Variants in STAG1 observed in about 807,000 individuals in gnomAD.
The protein encoded by STAG1 is STAG1 cohesin complex component.
STAG1 carries 26 observed loss-of-function variants against 170.9 expected under a neutral mutation model. That is an observed-to-expected ratio of 0.15 (90% CI 0.11 to 0.21). The LOEUF (loss-of-function observed/expected upper bound fraction) is 0.21, where lower values mean the gene tolerates loss of function less well. Among genes scored for constraint, STAG1 ranks in the 10% least tolerant of loss-of-function variants. STAG1 has a pLI of 1.00. For synonymous variants in STAG1, 514 were observed against 497.7 expected (o/e 1.03, Z -0.44); for missense variants, 964 against 1,509.5 (o/e 0.64, Z 5.99).
At chr3:136,456,012 A>C (rs2089102221) in intron 13 of STAG1, among the ~76,000 whole-genome samples, 2 of 152,250 alleles carry the variant, frequency 1.3e-5, no homozygotes. Context: ...GCCAGGGTTC[A>C]AGTTCTGAAA....
At chr3:136,550,196 C>A (rs533103181) in intron 5 of STAG1, among the ~76,000 whole-genome samples, 1 of 152,214 alleles carries the variant, frequency 6.6e-6, no homozygotes, top group South Asian at 2.1e-4. Flanking sequence ...TTGGAAAAGA[C>A]TGAGAACTGG....
intron 21 of STAG1, among the ~76,000 whole-genome samples, chr3:136,404,990 C>T (rs1269246388): frequency 6.6e-6 from 1 of 151,848 alleles, no homozygotes; most frequent in African/African-American, 2.4e-5. Context: ...TTTCTGTTGG[C>T]AAGAGACCTT....
chr3:136,617,622 A>G (rs1231148317), intron 3 of STAG1, among the ~76,000 whole-genome samples: 1 of 152,154 alleles, frequency 6.6e-6, no homozygotes, highest in Non-Finnish European at 1.5e-5. Context: ...TTTACTCTCT[A>G]TTTTACAGGA....
intron 5 of STAG1, among the ~76,000 whole-genome samples, chr3:136,555,571 T>C (rs999450970): frequency 3.9e-5 from 6 of 151,940 alleles, no homozygotes; most frequent in Non-Finnish European, 1.5e-5. Context: ...TAATTCTAGC[T>C]ACATAGGAGG....
Position 136,558,832 on chromosome 3 carries a change from C to T in STAG1, c.394+9933G>A, listed in dbSNP as rs1344915494. 2.8e-4 allele frequency among the ~76,000 whole-genome samples: 43 copies of T among 152,260 alleles called. 1 individual carries two copies. Among genetic ancestry groups the T allele is most frequent in the African/African-American group, 1.0e-3 (42 of 41,542 alleles). On this transcript the variant is annotated intron_variant, in intron 5 of 33. Transcript: ENST00000383202. Reference sequence around the variant, plus strand: ...TGTGCAAAAGATAGCTTTTAGTAACCACTGTCTACATTACCCAAAAATTTC... The same window carrying T: ...TGTGCAAAAGATAGCTTTTAGTAACTACTGTCTACATTACCCAAAAATTTC...
At chr3:136,385,030 GCTACTTTAT>G (rs2086834391) in intron 22 of STAG1, among the ~76,000 whole-genome samples, 1 of 152,148 alleles carries the variant, frequency 6.6e-6, no homozygotes, top group African/African-American at 2.4e-5. Context: ...AGTAATCTAT[GCTACTTTAT>G]CTACTTCTCT....
At chr3:136,624,137 C>T (rs1417761399) in intron 2 of STAG1, among the ~76,000 whole-genome samples, 1 of 151,352 alleles carries the variant, frequency 6.6e-6, no homozygotes, top group African/African-American at 2.4e-5. Context: ...CTCACTCTGT[C>T]GCCCAGGCTG....
At chr3:136,504,051 TACATATGTAA>T (rs947172930) in intron 7 of STAG1, among the ~76,000 whole-genome samples, 1 of 152,180 alleles carries the variant, frequency 6.6e-6, no homozygotes, top group Non-Finnish European at 1.5e-5. Context: ...TTTTCTTAAT[TACATATGTAA>T]ACATATGTGT....
intron 5 of STAG1, among the ~76,000 whole-genome samples, chr3:136,543,988 G>A (rs745925095): frequency 3.9e-5 from 6 of 151,960 alleles, no homozygotes; most frequent in Non-Finnish European, 8.8e-5. Flanking sequence ...AGATTCCTAC[G>A]TATGCACAGA....
chr3:136,520,002 G>A (rs1473603466), intron 7 of STAG1, among the ~76,000 whole-genome samples: 1 of 152,048 alleles, frequency 6.6e-6, no homozygotes, highest in South Asian at 2.1e-4. Flanking sequence ...GGTTAGGACT[G>A]TAACTAACAG....
At chr3:136,394,911 C>T (rs1424127054) in intron 22 of STAG1, among the ~76,000 whole-genome samples, 2 of 149,254 alleles carry the variant, frequency 1.3e-5, no homozygotes, top group Non-Finnish European at 3.0e-5. Flanking sequence ...CAAGATCATG[C>T]CACTGCACTC....
rs576764399 is a variant in STAG1, at chr3:136,367,553, T to C, written c.2546-471A>G. The stretch of plus-strand genomic sequence containing the variant: ...GTCATAACAATACTGTGAAATTATC[T>C]GATTACCTTTAAAACGCTGTCTTTT... On this transcript the variant is annotated intron_variant, in intron 24 of 33. Coordinates refer to ENST00000383202, the MANE Select transcript of STAG1 (RefSeq NM_005862.3). 5.9e-5 allele frequency among the ~76,000 whole-genome samples: 9 copies of C among 152,282 alleles called. No individual in the cohort carries two copies. The South Asian group carries it at 1.0e-3, about 18-fold the overall frequency.
chr3:136,739,617 C>T (rs147604160), intron 1 of STAG1, among the ~76,000 whole-genome samples: 11 of 151,012 alleles, frequency 7.3e-5, no homozygotes, highest in Non-Finnish European at 1.6e-4. Context: ...GTCAGGAGTT[C>T]GAGACCAGCC....
intron 10 of STAG1, among the ~76,000 whole-genome samples, chr3:136,476,245 C>A (rs927427223): frequency 2.0e-5 from 3 of 152,206 alleles, no homozygotes; most frequent in Non-Finnish European, 4.4e-5. Context: ...ACAGACCTTC[C>A]TCCTGGTCAT....
chr3:136,724,814 T>C (rs1933566156), intron 1 of STAG1, among the ~76,000 whole-genome samples: 1 of 151,990 alleles, frequency 6.6e-6, no homozygotes, highest in Non-Finnish European at 1.5e-5. Flanking sequence ...GGTTCTCAGC[T>C]AGTTAAGAAA....
chr3:136,353,618 G>A (rs1300150076), intron 28 of STAG1, among the ~76,000 whole-genome samples: 1 of 152,168 alleles, frequency 6.6e-6, no homozygotes, highest in Non-Finnish European at 1.5e-5. Context: ...ATCGCTCACT[G>A]TAACCTCAAA....
At chr3:136,634,402 G>T (rs1392339885) in intron 1 of STAG1, among the ~76,000 whole-genome samples, 4 of 151,526 alleles carry the variant, frequency 2.6e-5, no homozygotes, top group African/African-American at 9.7e-5. Context: ...CCATATAATG[G>T]GGGGGTCCCC....
At chr3:136,624,450 T>A (rs1940005450) in intron 2 of STAG1, among the ~76,000 whole-genome samples, 2 of 152,190 alleles carry the variant, frequency 1.3e-5, no homozygotes, top group South Asian at 4.1e-4. Flanking sequence ...ATAGGAATTT[T>A]AACATGAAAG....
chr3:136,609,428 T>TAC (rs1021399773), intron 3 of STAG1: 2 of 148,258 alleles, frequency 1.3e-5, no homozygotes, highest in African/African-American at 4.9e-5. Flanking sequence ...TATATATATA[T>TAC]ACACACACAC....
Sources: gnomAD v4.1 joint callset for allele counts (sites outside exome capture counted in the v4.1 genomes callset) on GRCh38, gnomAD v4.1.1 for gene constraint, MANE v1.5 for transcripts, NCBI Gene and HGNC (gene_info 2026-07-23, HGNC 2026-07-21) for gene names.